Variants in PEX5L observed in about 807,000 individuals in gnomAD.
PEX5L encodes the protein peroxisomal biogenesis factor 5 like.
A neutral mutation model predicts 84.0 loss-of-function variants in PEX5L; 30 were observed. That is an observed-to-expected ratio of 0.36 (90% confidence interval 0.27 to 0.48). The LOEUF is 0.48. PEX5L is among the 20% of genes least tolerant of loss of function. PEX5L has a pLI of 0.99. For synonymous variants in PEX5L, 270 were observed against 283.1 expected (o/e 0.95, Z 0.46); for missense variants, 533 against 754.6 (o/e 0.71, Z 3.44).
chr3:179,932,402 A>G (rs1256257751), intron 2 of PEX5L, among the ~76,000 whole-genome samples: 6 of 152,118 alleles, frequency 3.9e-5, no homozygotes, highest in Admixed American at 3.9e-4. Flanking sequence ...ATGAGCAGGG[A>G]TAAGCTTTAA....
intron 2 of PEX5L, among the ~76,000 whole-genome samples, chr3:179,955,618 C>A (rs1780336502): frequency 6.6e-6 from 1 of 151,322 alleles, no homozygotes; most frequent in African/African-American, 2.4e-5. Context: ...AGTCTGGGAG[C>A]CTCAGCATGA....
At chr3:179,932,794 G>A (rs1773462502) in intron 2 of PEX5L, among the ~76,000 whole-genome samples, 2 of 152,068 alleles carry the variant, frequency 1.3e-5, no homozygotes, top group Non-Finnish European at 1.5e-5. Context: ...TTTGAAATAT[G>A]CATGCATTGT....
At chr3:179,895,067 A>T (rs1025135604) in intron 3 of PEX5L, among the ~76,000 whole-genome samples, 2 of 152,190 alleles carry the variant, frequency 1.3e-5, no homozygotes, top group African/African-American at 4.8e-5. Flanking sequence ...ATTCTGTTCA[A>T]CAGAATTATG....
chr3:179,905,721 G>A (rs1298006047), intron 2 of PEX5L, among the ~76,000 whole-genome samples: 2 of 151,834 alleles, frequency 1.3e-5, no homozygotes, highest in African/African-American at 4.8e-5. Context: ...CCAAATTTCT[G>A]AGTTGTGCCT....
At chr3:179,812,826 G>A (rs2108826593) in intron 10 of PEX5L, among the ~76,000 whole-genome samples, 1 of 151,092 alleles carries the variant, frequency 6.6e-6, no homozygotes, top group Non-Finnish European at 1.5e-5. Flanking sequence ...AATGTTTGGG[G>A]AGTGTGTAAC....
chr3:179,986,601 A>T (rs1042694626), intron 1 of PEX5L, among the ~76,000 whole-genome samples: 1 of 151,908 alleles, frequency 6.6e-6, no homozygotes, highest in African/African-American at 2.4e-5. Flanking sequence ...ACGGGGTTTC[A>T]CCGTGTTAGC....
At chr3:179,906,349 C>A (rs1474616283) in intron 2 of PEX5L, among the ~76,000 whole-genome samples, 3 of 152,180 alleles carry the variant, frequency 2.0e-5, no homozygotes, top group Admixed American at 6.5e-5. Context: ...TAATATCAGG[C>A]TTCCTCTGAT....
At chr3:179,838,906 A>G (rs761524505) in intron 8 of PEX5L, among the ~76,000 whole-genome samples, 2 of 152,118 alleles carry the variant, frequency 1.3e-5, no homozygotes, top group African/African-American at 4.8e-5. Flanking sequence ...TTGCTCTCCA[A>G]TGACAGGCTT....
In PEX5L at chr3:179,815,953, C is replaced by T. The variant is rs150624644; in HGVS notation, c.991G>A (p.Glu331Lys). ...TCCTTCAGCCTTTTTAAGCCTTCTT[C>T]AAATGCTCCAGGCCAGTCCTTGAAG... ...NPFKDWPGAF[E>K]EGLKRLKEGD... The change falls in exon 10 of 15, where the codon GAA (glutamate) becomes AAA (lysine). Residue 331 changes from glutamate to lysine, a missense_variant. Physicochemically the swap from Glu to Lys is moderately conservative, Grantham distance 56. Coordinates refer to ENST00000467460, the MANE Select transcript of PEX5L (RefSeq NM_016559.3). The T allele has an allele frequency of 6.3e-5, 101 of 1,614,066 alleles. No individual in the cohort carries two copies. Among genetic ancestry groups the T allele is most frequent in the Non-Finnish European group, 8.1e-5 (96 of 1,180,028 alleles).
intron 8 of PEX5L, among the ~76,000 whole-genome samples, chr3:179,845,280 T>A (rs1738892069): frequency 6.6e-6 from 1 of 152,370 alleles, no homozygotes; most frequent in East Asian, 1.9e-4. Flanking sequence ...AGGATATCCC[T>A]ATAAGTGTTT....
chr3:179,846,615 G>C (rs1454771920), intron 8 of PEX5L, among the ~76,000 whole-genome samples: 1 of 152,184 alleles, frequency 6.6e-6, no homozygotes, highest in Admixed American at 6.5e-5. Context: ...CCTAGCATTT[G>C]AATCAGTAGA....
chr3:179,950,540 A>AT (rs1415184996), intron 2 of PEX5L, among the ~76,000 whole-genome samples: 6 of 152,052 alleles, frequency 3.9e-5, no homozygotes, highest in Admixed American at 2.6e-4. Context: ...GTAAAAAAAA[A>AT]TACCTCTTTC....
At chr3:179,857,565 T>C (rs1410212210) in intron 8 of PEX5L, among the ~76,000 whole-genome samples, 1 of 152,224 alleles carries the variant, frequency 6.6e-6, no homozygotes, top group African/African-American at 2.4e-5. Flanking sequence ...AAATGATTTG[T>C]GAATATATGT....
chr3:179,853,183 C>G (rs1227571593), intron 8 of PEX5L, among the ~76,000 whole-genome samples: 1 of 152,174 alleles, frequency 6.6e-6, no homozygotes, highest in Non-Finnish European at 1.5e-5. Flanking sequence ...ACCTTAATTA[C>G]TCCTTAAGGA....
chr3:179,849,251 T>C lies in PEX5L; in HGVS notation c.822+9811A>G, dbSNP rs1471827524. ...ATGTATTTTGTAATTAATACAGTTC[T>C]ATTACTTATATAGGCAAAATCTACT... On this transcript the variant is annotated intron_variant, in intron 8 of 14. Transcript: ENST00000467460. Among the ~76,000 whole-genome samples the C allele has an allele frequency of 3.3e-5, 5 of 152,368 alleles. No individual in the cohort carries two copies. In the East Asian group the frequency reaches 9.6e-4, roughly 29 times the overall value.
chr3:179,997,575 T>A (rs1195782877), intron 1 of PEX5L, among the ~76,000 whole-genome samples: 1 of 152,232 alleles, frequency 6.6e-6, no homozygotes, highest in African/African-American at 2.4e-5. Flanking sequence ...CAGAGATTAG[T>A]GCCACCATCG....
intron 5 of PEX5L, among the ~76,000 whole-genome samples, chr3:179,878,390 T>C (rs1666866848): frequency 6.6e-6 from 1 of 152,184 alleles, no homozygotes; most frequent in South Asian, 2.1e-4. Flanking sequence ...TTTTCTAAAA[T>C]AGGAACTGTT....
intron 7 of PEX5L, among the ~76,000 whole-genome samples, chr3:179,864,546 G>T (rs1747429224): frequency 6.6e-6 from 1 of 152,066 alleles, no homozygotes; most frequent in Non-Finnish European, 1.5e-5. Context: ...TGAGGGGTTT[G>T]GGAGATGTTG....
At chr3:179,818,683 C>G (rs988022451) in intron 9 of PEX5L, among the ~76,000 whole-genome samples, 7 of 151,808 alleles carry the variant, frequency 4.6e-5, no homozygotes, top group African/African-American at 7.3e-5. Flanking sequence ...TTAGCTCCCA[C>G]AAACAAGTGA....
Sources: gnomAD v4.1 joint callset for allele counts (sites outside exome capture counted in the v4.1 genomes callset) on GRCh38, gnomAD v4.1.1 for gene constraint, MANE v1.5 for transcripts, NCBI Gene and HGNC (gene_info 2026-07-23, HGNC 2026-07-21) for gene names.